The following PDE10A variants were observed in gnomAD, a reference collection of about 807,000 sequenced individuals.
PDE10A encodes the protein cAMP and cAMP-inhibited cGMP 3',5'-cyclic phosphodiesterase 10A.
PDE10A carries 39 observed loss-of-function variants against 97.7 expected under a neutral mutation model. The observed-to-expected ratio is 0.40, with a 90% CI of 0.31 to 0.52. The LOEUF is 0.52. PDE10A is among the 20% of genes least tolerant of loss of function. The probability of loss-of-function intolerance (pLI) is 0.56; values close to 1 mark genes in which losing one functional copy is unlikely to be tolerated. For missense variants in PDE10A, 731 were observed against 1,047.8 expected (o/e 0.70, Z 4.17); for synonymous variants, 371 against 376.8 (o/e 0.98, Z 0.18).
intron 2 of PDE10A, among the ~76,000 whole-genome samples, chr6:165,527,378 T>C (rs549097658): frequency 6.6e-6 from 1 of 152,178 alleles, no homozygotes; most frequent in African/African-American, 2.4e-5. Context: ...TTGGACTATA[T>C]GACCCAGCAG....
intron 1 of PDE10A, among the ~76,000 whole-genome samples, chr6:165,893,227 A>G (rs879319735): frequency 3.3e-5 from 5 of 152,234 alleles, no homozygotes; most frequent in African/African-American, 9.6e-5. Context: ...AAGCATCGCT[A>G]CAGCAATTTT....
At chr6:165,435,108 T>C (rs1583280237) in intron 6 of PDE10A, 129 bp downstream of exon 6, 3 of 874,914 alleles carry the variant, frequency 3.4e-6, no homozygotes, top group East Asian at 5.2e-5. Context: ...ATTAATATAT[T>C]GATCTGTAAC....
intron 1 of PDE10A, among the ~76,000 whole-genome samples, chr6:165,636,002 A>T (rs1473753202): frequency 1.3e-5 from 2 of 152,230 alleles, no homozygotes; most frequent in Non-Finnish European, 2.9e-5. Flanking sequence ...TTATGTAAGC[A>T]TTTTACTGTA....
chr6:165,595,342 AGAGTT>A (rs1435019864), intron 1 of PDE10A, among the ~76,000 whole-genome samples: 1 of 152,236 alleles, frequency 6.6e-6, no homozygotes, highest in Admixed American at 6.5e-5. Context: ...GCTATATTAT[AGAGTT>A]AAGAAAACTG....
intron 1 of PDE10A, among the ~76,000 whole-genome samples, chr6:165,595,774 C>A (rs1786549686): frequency 6.6e-6 from 1 of 152,198 alleles, no homozygotes; most frequent in South Asian, 2.1e-4. Flanking sequence ...GATGAGCCCT[C>A]CTATGTGTCT....
chr6:165,806,060 A>G (rs935298055), intron 1 of PDE10A, among the ~76,000 whole-genome samples: 14 of 151,004 alleles, frequency 9.3e-5, no homozygotes, highest in Admixed American at 4.0e-4. Flanking sequence ...AAAAAAAAAA[A>G]AAAAAAAAAA....
At chr6:165,636,694 A>G (rs1291837295) in intron 1 of PDE10A, among the ~76,000 whole-genome samples, 3 of 152,220 alleles carry the variant, frequency 2.0e-5, no homozygotes, top group Non-Finnish European at 4.4e-5. Context: ...CAAAAACTGG[A>G]TAGACTGTTT....
At chr6:165,377,265 G>A (rs576060286) in intron 18 of PDE10A, among the ~76,000 whole-genome samples, 9 of 151,704 alleles carry the variant, frequency 5.9e-5, no homozygotes, top group South Asian at 2.1e-4. Context: ...ATGCACACAC[G>A]CACACACACA....
intron 1 of PDE10A, among the ~76,000 whole-genome samples, chr6:165,830,636 G>A (rs1226300951): frequency 1.3e-5 from 2 of 152,034 alleles, no homozygotes; most frequent in African/African-American, 4.8e-5. Flanking sequence ...GTGGGACCAG[G>A]GCCTCCAGGT....
chr6:165,871,303 CTT>C (rs1222304175), intron 1 of PDE10A, among the ~76,000 whole-genome samples: 1 of 152,146 alleles, frequency 6.6e-6, no homozygotes, highest in Non-Finnish European at 1.5e-5. Flanking sequence ...TGAATAAAAA[CTT>C]TATACAAATA....
chr6:165,715,209 G>A (rs566680099), intron 1 of PDE10A, among the ~76,000 whole-genome samples: 4 of 152,382 alleles, frequency 2.6e-5, no homozygotes, highest in South Asian at 2.1e-4. Flanking sequence ...TCATTCACTC[G>A]CAGCAGGTGG....
intron 1 of PDE10A, among the ~76,000 whole-genome samples, chr6:165,953,418 C>G (rs59148146): frequency 0.13 from 20,390 of 151,830 alleles, 1,710 homozygotes; most frequent in African/African-American, 0.23. Context: ...TGGTGAAACC[C>G]CATCTCTATT....
rs12212267 is a variant in PDE10A at position 165,958,547 on chromosome 6, A to G, written c.-615+28982T>C. On this transcript the variant is annotated intron_variant, in intron 1 of 19. Transcript: ENST00000366882. Reference sequence around the variant, plus strand: ...AAAGAAAGAAAGAAAGAAAGAAAGAAAGAAAGAAAGAAAGAAAGACAGACA... The same window carrying G: ...AAAGAAAGAAAGAAAGAAAGAAAGAGAGAAAGAAAGAAAGAAAGACAGACA... Among the ~76,000 whole-genome samples the G allele has an allele frequency of 1.4e-3, 116 of 82,640 alleles. 2 individuals carry two copies. The highest frequency in any genetic ancestry group is 2.3e-3 in the African/African-American group (50 of 21,712). The allele number at this position is 82,640 out of a possible 152,430, so 54.2% of individuals were successfully genotyped here. A position where few individuals can be genotyped will look rare whatever the true frequency, so the allele number is the denominator to read the frequency against.
At chr6:165,840,005 T>C in intron 1 of PDE10A, among the ~76,000 whole-genome samples, 1 of 2,404 alleles carries the variant, frequency 4.2e-4, no homozygotes, top group African/African-American at 1.5e-3. Context: ...CCATCCCATC[T>C]CCATCCTCAT....
intron 1 of PDE10A, among the ~76,000 whole-genome samples, chr6:165,808,715 T>C (rs1303448844): frequency 6.6e-6 from 1 of 152,208 alleles, no homozygotes; most frequent in Non-Finnish European, 1.5e-5. Context: ...TGTTTACTTG[T>C]CAAAGGCAAT....
At chr6:165,820,304 A>G (rs1779533661) in intron 1 of PDE10A, among the ~76,000 whole-genome samples, 1 of 152,232 alleles carries the variant, frequency 6.6e-6, no homozygotes, top group Admixed American at 6.5e-5. Context: ...GTGAATATGT[A>G]TTAATTCCTA....
In PDE10A at chr6:165,388,939, A is replaced by G. The variant is rs1320427402; in HGVS notation, c.2455-486T>C. 6.6e-6 allele frequency among the ~76,000 whole-genome samples: 1 copy of G among 152,196 alleles called. No individual in the cohort carries two copies. The highest frequency in any genetic ancestry group is 1.9e-4 in the East Asian group (1 of 5,196). On this transcript the variant is annotated intron_variant, in intron 16 of 21. Transcript: ENST00000539869. This position sits in a 1 kb window ranked among gnomAD's most constrained non-coding sequence, Gnocchi z 4.0. ...TATAGAAAAAAAGGCAGAGCAGGCT[A>G]AAGGAAATTAGAGAAAGTCAGGCTG...
intron 1 of PDE10A, among the ~76,000 whole-genome samples, chr6:165,834,748 C>T (rs548292103): frequency 1.3e-5 from 2 of 152,190 alleles, no homozygotes; most frequent in Non-Finnish European, 2.9e-5. Context: ...TCCAGAGACT[C>T]ACATCTAGAC....
At chr6:165,335,928 TGAG>T (rs1781616536) in intron 21 of PDE10A, among the ~76,000 whole-genome samples, 192 bp downstream of exon 21, 1 of 152,072 alleles carries the variant, frequency 6.6e-6, no homozygotes, top group Non-Finnish European at 1.5e-5. Flanking sequence ...GGCTCGTCTT[TGAG>T]GAGAATTGAA....
Sources: allele counts gnomAD v4.1 joint callset (sites outside exome capture counted in the v4.1 genomes callset), GRCh38; gene constraint gnomAD v4.1.1; non-coding constraint Gnocchi (gnomAD v3.1); transcripts MANE v1.5; gene names NCBI Gene and HGNC (gene_info 2026-07-23, HGNC 2026-07-21).